Variants in LRRC7 observed in about 807,000 individuals in gnomAD.
LRRC7 encodes leucine-rich repeat-containing protein 7.
A neutral mutation model predicts 175.7 loss-of-function variants in LRRC7; 23 were observed. That is an observed-to-expected ratio of 0.13 (90% CI 0.09 to 0.19). The LOEUF (loss-of-function observed/expected upper bound fraction) is 0.19, where lower values mean the gene tolerates loss of function less well. Ranked by LOEUF, LRRC7 falls within the 10% of genes least tolerant of loss-of-function variation. LRRC7 has a pLI of 1.00. For missense variants in LRRC7, 1,354 were observed against 1,904.7 expected (o/e 0.71, Z 5.38); for synonymous variants, 685 against 680.9 (o/e 1.01, Z -0.09).
chr1:69,819,575 C>CTGTGTGTGTGTGTGTG (rs1343426681), intron 4 of LRRC7, among the ~76,000 whole-genome samples: 30 of 133,240 alleles, frequency 2.3e-4, no homozygotes, highest in African/African-American at 8.8e-4. Flanking sequence ...CTCTCTCTCT[C>CTGTGTGTGTGTGTGTG]TCTGTGTGTG....
intron 4 of LRRC7, among the ~76,000 whole-genome samples, chr1:69,793,489 C>A (rs771890517): frequency 6.6e-6 from 1 of 152,042 alleles, no homozygotes; most frequent in African/African-American, 2.4e-5. Flanking sequence ...TTGACCAGAA[C>A]TCTCCTCCAC....
intron 7 of LRRC7, among the ~76,000 whole-genome samples, chr1:69,924,692 A>G (rs1232382620): frequency 1.1e-4 from 17 of 152,124 alleles, no homozygotes; most frequent in Non-Finnish European, 2.1e-4. Context: ...GCTTAAGGAG[A>G]TTTTGGGCTG....
intron 8 of LRRC7, among the ~76,000 whole-genome samples, chr1:69,972,924 T>A (rs1306576033): frequency 6.8e-6 from 1 of 147,056 alleles, no homozygotes; most frequent in African/African-American, 2.5e-5. Flanking sequence ...ATATATTTTT[T>A]AATATATATA....
chr1:69,741,758 AT>A lies in LRRC7; in HGVS notation c.101-18424del, dbSNP rs554179876. 6.0e-5 allele frequency among the ~76,000 whole-genome samples: 9 copies of A among 151,198 alleles called. No individual in the cohort carries two copies. In the South Asian group the frequency reaches 8.4e-4, roughly 14 times the overall value. On this transcript the variant is annotated intron_variant, in intron 2 of 26. Coordinates refer to ENST00000651989, the MANE Select transcript of LRRC7 (RefSeq NM_001370785.2). The stretch of plus-strand genomic sequence containing the variant: ...TCTAATTTAGTCATTTATTCACTGG[AT>A]TTTTTTTTGCTGTGTTCACTCCTTT...
intron 1 of LRRC7, among the ~76,000 whole-genome samples, chr1:69,637,708 A>G (rs958942014): frequency 6.6e-6 from 1 of 151,898 alleles, no homozygotes; most frequent in African/African-American, 2.4e-5. Flanking sequence ...AAATAGCTTT[A>G]CCTTATGTAA....
chr1:69,585,878 C>T (rs1646383360), intron 1 of LRRC7, among the ~76,000 whole-genome samples: 1 of 152,198 alleles, frequency 6.6e-6, no homozygotes, highest in Non-Finnish European at 1.5e-5. Context: ...AATTAGCAAA[C>T]TGTTCCATTG....
chr1:70,060,842 C>T (rs1661523718), intron 23 of LRRC7, among the ~76,000 whole-genome samples: 1 of 152,162 alleles, frequency 6.6e-6, no homozygotes, highest in Non-Finnish European at 1.5e-5. Context: ...ACTAAATTCT[C>T]CTTTTGTACA....
At chr1:69,849,457 C>G (rs1682735001) in intron 7 of LRRC7, among the ~76,000 whole-genome samples, 1 of 151,924 alleles carries the variant, frequency 6.6e-6, no homozygotes. Flanking sequence ...GAAAATGGAA[C>G]AGCATTTCTT....
chr1:69,686,594 T>A (rs1661177230), intron 2 of LRRC7, among the ~76,000 whole-genome samples: 1 of 151,942 alleles, frequency 6.6e-6, no homozygotes, highest in South Asian at 2.1e-4. Flanking sequence ...GACTACAAAA[T>A]AATACACTCA....
intron 2 of LRRC7, among the ~76,000 whole-genome samples, chr1:69,702,027 A>T (rs1234374040): frequency 6.6e-6 from 1 of 152,212 alleles, no homozygotes; most frequent in Non-Finnish European, 1.5e-5. Flanking sequence ...TTTTTATAAC[A>T]ATATCCGAAA....
In LRRC7 at chr1:69,713,323, A is replaced by C. The variant is rs1449389618; in HGVS notation, c.100+34845A>C. ...AAGCATAGTGAGACTTGGTCTCTCA[A>C]AAAAAAATGTATATATATATATTTA... On this transcript the variant is annotated intron_variant, in intron 2 of 26. Transcript: ENST00000651989. 8.6e-5 allele frequency among the ~76,000 whole-genome samples: 13 copies of C among 151,064 alleles called. 1 individual carries two copies. The highest frequency in any genetic ancestry group is 8.6e-4 in the Admixed American group (13 of 15,124).
intron 4 of LRRC7, among the ~76,000 whole-genome samples, chr1:69,795,374 C>T (rs1049796195): frequency 2.0e-5 from 2 of 99,994 alleles, no homozygotes; most frequent in Admixed American, 1.1e-4. Flanking sequence ...GACACCGTCT[C>T]GAAAAAAAAA....
chr1:69,946,671 A>C (rs561989315), intron 8 of LRRC7, among the ~76,000 whole-genome samples: 1 of 152,056 alleles, frequency 6.6e-6, no homozygotes, highest in South Asian at 2.1e-4. Context: ...TTATTTTGAC[A>C]GTTTTTAAAG....
intron 7 of LRRC7, among the ~76,000 whole-genome samples, chr1:69,863,445 G>T (rs1442615492): frequency 6.6e-6 from 1 of 152,110 alleles, no homozygotes; most frequent in Non-Finnish European, 1.5e-5. Context: ...TTATTGCCTA[G>T]TATTCTGCCC....
Position 70,018,162 on chromosome 1 carries a change from A to C in LRRC7, c.1321-557A>C, listed in dbSNP as rs10493461. On this transcript the variant is annotated intron_variant, in intron 14 of 26. Coordinates refer to ENST00000651989, the MANE Select transcript of LRRC7 (RefSeq NM_001370785.2). ...CTTCAGAATGAATATTTCTGAAATC[A>C]AACTAATAACAGAATGAAATATGCA... 2.3e-3 allele frequency among the ~76,000 whole-genome samples: 347 copies of C among 152,212 alleles called. 4 individuals carry two copies. The East Asian group carries it at 0.027, about 12-fold the overall frequency.
chr1:69,873,502 G>T (rs1371205021), intron 7 of LRRC7: 2 of 532,620 alleles, frequency 3.8e-6, no homozygotes, highest in African/African-American at 1.9e-5. Context: ...TTGCCCAATC[G>T]CCTGAGACTA....
At chr1:69,748,161 C>T (rs889749613) in intron 2 of LRRC7, among the ~76,000 whole-genome samples, 4 of 151,930 alleles carry the variant, frequency 2.6e-5, no homozygotes, top group Non-Finnish European at 5.9e-5. Context: ...CTAAGTATCC[C>T]GAAGGCACAA....
chr1:69,913,765 G>A (rs1044035409), intron 7 of LRRC7, among the ~76,000 whole-genome samples: 3 of 151,994 alleles, frequency 2.0e-5, no homozygotes, highest in Non-Finnish European at 4.4e-5. Flanking sequence ...CACCCACCTC[G>A]GCCTCCCAAA....
chr1:69,624,632 G>A (rs1192493164), intron 1 of LRRC7, among the ~76,000 whole-genome samples: 2 of 151,546 alleles, frequency 1.3e-5, no homozygotes, highest in Non-Finnish European at 2.9e-5. Flanking sequence ...AAAGTTCTTT[G>A]ATTTTTACAT....
Sources: gnomAD v4.1 joint callset for allele counts (sites outside exome capture counted in the v4.1 genomes callset) on GRCh38, gnomAD v4.1.1 for gene constraint, MANE v1.5 for transcripts, NCBI Gene and HGNC (gene_info 2026-07-23, HGNC 2026-07-21) for gene names.